ATXN7: variants seen among roughly 807,000 people sequenced by gnomAD.
The protein encoded by ATXN7 is ataxin-7.
In ATXN7, 12 loss-of-function variants were observed where a neutral mutation model predicts 70.5. The observed-to-expected ratio is 0.17, with a 90% CI of 0.11 to 0.28. ATXN7 has a LOEUF of 0.28. Among genes scored for constraint, ATXN7 ranks in the 10% least tolerant of loss-of-function variants. The pLI is 1.00. For synonymous variants in ATXN7, 498 were observed against 448.7 expected, an observed-to-expected ratio of 1.11 and a Z score of -1.39; for missense variants, 1,256 against 1,131.7, an observed-to-expected ratio of 1.11 and a Z score of -1.58.
At chr3:63,953,053 C>G (rs1368993771) in intron 5 of ATXN7, among the ~76,000 whole-genome samples, 1 of 151,886 alleles carries the variant, frequency 6.6e-6, no homozygotes, top group East Asian at 1.9e-4. Context: ...TGAATACGTA[C>G]CTTGTTTCAG....
chr3:63,911,166 T>G (rs1704001726), intron 2 of ATXN7, among the ~76,000 whole-genome samples: 2 of 152,168 alleles, frequency 1.3e-5, no homozygotes, highest in South Asian at 4.1e-4. Context: ...CTGATAAGAA[T>G]CACTGTTTTT....
chr3:63,986,302 T>A (rs2075577194), intron 8 of ATXN7, among the ~76,000 whole-genome samples: 1 of 152,230 alleles, frequency 6.6e-6, no homozygotes. Context: ...AGTCAGTCTT[T>A]ATCCTGTGAG....
chr3:63,997,103 C>G (rs1237057897), intron 12 of ATXN7, among the ~76,000 whole-genome samples: 1 of 152,072 alleles, frequency 6.6e-6, no homozygotes, highest in Non-Finnish European at 1.5e-5. Flanking sequence ...ACTAAAAATA[C>G]GAAAATTAGC....
rs569040018 is a variant in ATXN7, at chr3:63,929,537, C to T, written c.394+16312C>T. Among the ~76,000 whole-genome samples the T allele has an allele frequency of 7.2e-4, 109 of 152,270 alleles. 1 individual carries two copies. Among genetic ancestry groups the T allele is most frequent in the South Asian group, 2.5e-3 (12 of 4,830 alleles). ...GCGCCTGCCTCTGCTTCCCAAAGTG[C>T]TGGGATTACAGGCGTGAGCCACTGC... is the stretch of plus-strand genomic sequence containing the variant. On this transcript the variant is annotated intron_variant, in intron 4 of 12. Coordinates refer to ENST00000674280, the MANE Select transcript of ATXN7 (RefSeq NM_001377405.1).
At chr3:63,899,276 G>C (rs937626877) in intron 2 of ATXN7, among the ~76,000 whole-genome samples, 12 of 151,990 alleles carry the variant, frequency 7.9e-5, no homozygotes, top group African/African-American at 2.9e-4. Context: ...TGGCCAGACT[G>C]GTCTCGAACC....
intron 6 of ATXN7, 150 bp from the exon 7 acceptor site, chr3:63,982,036 C>A: frequency 9.6e-7 from 1 of 1,038,496 alleles, no homozygotes; most frequent in Non-Finnish European, 1.4e-6. Context: ...ATGAACCTTA[C>A]TAACAAAACT....
intron 8 of ATXN7, among the ~76,000 whole-genome samples, chr3:63,987,227 C>G (rs2075592177): frequency 6.6e-6 from 1 of 152,208 alleles, no homozygotes; most frequent in Non-Finnish European, 1.5e-5. Flanking sequence ...ACTACAGACA[C>G]ATTTTCTTAT....
At chr3:63,885,324 A>G (rs899850999) in intron 1 of ATXN7, among the ~76,000 whole-genome samples, 3 of 152,202 alleles carry the variant, frequency 2.0e-5, no homozygotes, top group African/African-American at 7.2e-5. Flanking sequence ...ACAGATGGCC[A>G]ACAGGTATAT....
intron 1 of ATXN7, among the ~76,000 whole-genome samples, chr3:63,878,206 A>G (rs1440578178): frequency 6.6e-6 from 1 of 152,216 alleles, no homozygotes; most frequent in Non-Finnish European, 1.5e-5. Flanking sequence ...TTCCCCAGGC[A>G]GTGATACAAC....
At chr3:63,917,606 A>G (rs986256410) in intron 4 of ATXN7, among the ~76,000 whole-genome samples, 7 of 152,192 alleles carry the variant, frequency 4.6e-5, no homozygotes, top group African/African-American at 1.4e-4. Context: ...TGTGGTATCA[A>G]AGTACTCTGT....
chr3:63,998,798 C>G (rs1030474425), intron 12 of ATXN7: 3 of 646,178 alleles, frequency 4.6e-6, no homozygotes, highest in Non-Finnish European at 5.8e-6. Context: ...GCTGCTGTTA[C>G]AAAAGTAGGG....
rs768149361 is a variant in ATXN7 at position 63,988,278 on chromosome 3, C to G, written c.1315C>G (p.Pro439Ala). 23 of 1,613,952 alleles carry G rather than the reference C, an allele frequency of 1.4e-5. No individual in the cohort carries two copies. Among genetic ancestry groups the G allele is most frequent in the Non-Finnish European group, 1.9e-5 (22 of 1,180,036 alleles). Residue 439 changes from proline (P) to alanine (A), a missense_variant, in exon 9 of 13, where the codon CCT becomes GCT. Transcript: ENST00000674280. ...PHGVIPSESK[P>A]FVASKPKPHT... Reference sequence around the variant, plus strand: ...CGGAGTGATTCCTTCCGAATCAAAGCCTTTTGTAGCTAGTAAACCTAAACC... The same window carrying G: ...CGGAGTGATTCCTTCCGAATCAAAGGCTTTTGTAGCTAGTAAACCTAAACC...
At chr3:63,980,385 A>G in intron 6 of ATXN7, 1 of 629,204 alleles carries the variant, frequency 1.6e-6, no homozygotes, top group Admixed American at 3.0e-5. Flanking sequence ...ACATTTATTG[A>G]TCCATTCTTG....
intron 1 of ATXN7, among the ~76,000 whole-genome samples, chr3:63,892,493 A>C (rs571139300): frequency 0.011 from 1,594 of 140,444 alleles, 22 homozygotes; most frequent in African/African-American, 0.041. Flanking sequence ...ACACACACAC[A>C]CCCACACACA....
chr3:63,984,046 G>C (rs1158968194), intron 8 of ATXN7, among the ~76,000 whole-genome samples: 2 of 152,082 alleles, frequency 1.3e-5, no homozygotes, highest in Non-Finnish European at 2.9e-5. Flanking sequence ...CCATGCCCCA[G>C]CCAGTGGAGG....
intron 6 of ATXN7, 131 bp from the exon 7 acceptor site, chr3:63,982,055 G>T: frequency 8.1e-7 from 1 of 1,236,362 alleles, no homozygotes; most frequent in Non-Finnish European, 1.1e-6. Flanking sequence ...CTCATAAGGA[G>T]CCTTCCAAGA....
chr3:63,972,717 T>C (rs1416983811), intron 5 of ATXN7, among the ~76,000 whole-genome samples: 2 of 152,232 alleles, frequency 1.3e-5, no homozygotes, highest in African/African-American at 4.8e-5. Context: ...GATTTTTAAA[T>C]GAATTCTTAA....
chr3:63,902,650 A>G (rs1325405129), intron 2 of ATXN7, among the ~76,000 whole-genome samples: 10 of 152,146 alleles, frequency 6.6e-5, no homozygotes, highest in Non-Finnish European at 1.5e-4. Flanking sequence ...AGCAGCTATA[A>G]ATATAGCACC....
chr3:63,923,801 TAAA>T (rs368295726), intron 4 of ATXN7, among the ~76,000 whole-genome samples: 1 of 151,156 alleles, frequency 6.6e-6, no homozygotes. Context: ...TCACAAAAAG[TAAA>T]AAAGAAAGAA....
Sources: gnomAD v4.1 joint callset for allele counts (sites outside exome capture counted in the v4.1 genomes callset) on GRCh38, gnomAD v4.1.1 for gene constraint, MANE v1.5 for transcripts, NCBI Gene and HGNC (gene_info 2026-07-23, HGNC 2026-07-21) for gene names.